Variants in CASTOR2 observed in about 807,000 individuals in gnomAD.
CASTOR2 encodes the protein cytosolic arginine sensor for mTORC1 subunit 2.
Under a neutral mutation model 31.2 loss-of-function variants are expected in CASTOR2, and 8 were observed. The ratio of observed to expected loss-of-function variants is 0.26; its 90% CI spans 0.15 to 0.46. CASTOR2 has a LOEUF of 0.46. CASTOR2 is among the 20% of genes least tolerant of loss of function. CASTOR2 has a pLI of 0.99. For missense variants in CASTOR2, 216 were observed against 382.1 expected (o/e 0.57, Z 3.62); for synonymous variants, 162 against 158.7 (o/e 1.02, Z -0.16).
chr7:75,012,301 G>A (rs1359601882), intron 2 of CASTOR2, among the ~76,000 whole-genome samples: 1 of 151,958 alleles, frequency 6.6e-6, no homozygotes, highest in Non-Finnish European at 1.5e-5. Flanking sequence ...AGAGAGTTTA[G>A]TTTTTGTTTG....
In CASTOR2 at chr7:75,017,622, G is replaced by C. The variant is rs1804895793; in HGVS notation, c.209G>C (p.Ser70Thr). 1.2e-6 allele frequency: 2 copies of C among 1,613,878 alleles called. No homozygotes were observed. The highest frequency in any genetic ancestry group is 1.3e-5 in the African/African-American group (1 of 74,938). The part of the protein sequence containing the change: ...FLELPSSEHL[S>T]VADATWLALN... ...GAGCTGCCCTCCTCGGAGCACCTGA[G>C]TGTGGCAGATGCCACCTGGCTGGCC... Residue 70 changes from serine to threonine, a missense_variant, in exon 3 of 9, where the codon AGT (serine) becomes ACT (threonine). By Grantham distance (58) the Ser-to-Thr change is moderately conservative. Around this residue, in one of 5 missense-constraint regions of CASTOR2, gnomAD observed 114 missense variants for 194.2 expected, o/e 0.59. Transcript: ENST00000616305.
intron 2 of CASTOR2, among the ~76,000 whole-genome samples, chr7:75,009,306 A>G (rs1463051866): frequency 3.2e-5 from 3 of 92,612 alleles, no homozygotes; most frequent in African/African-American, 4.4e-5. Flanking sequence ...GTCTCGCTCT[A>G]TGGCCCAGGC....
At chr7:74,965,850 TCACACA>T (rs1177991219) in intron 1 of CASTOR2, among the ~76,000 whole-genome samples, 6 of 10,616 alleles carry the variant, frequency 5.7e-4, no homozygotes, top group Non-Finnish European at 8.0e-4. Context: ...AAAGAGGGAA[TCACACA>T]CACACACACA....
intron 6 of CASTOR2, among the ~76,000 whole-genome samples, chr7:75,020,722 C>A (rs1342868274): frequency 3.3e-5 from 5 of 152,050 alleles, no homozygotes; most frequent in African/African-American, 1.2e-4. Flanking sequence ...ATCTCCTGAC[C>A]TTGTGATCTG....
At chr7:74,987,995 A>G (rs1584463112) in intron 1 of CASTOR2, among the ~76,000 whole-genome samples, 1 of 147,976 alleles carries the variant, frequency 6.8e-6, no homozygotes, top group African/African-American at 2.5e-5. Context: ...GGTGTGAGTC[A>G]CTGCGCCTGG....
At chr7:75,024,563 G>A in intron 8 of CASTOR2, 29 bp downstream of exon 8, 1 of 1,551,528 alleles carries the variant, frequency 6.4e-7, no homozygotes, top group Non-Finnish European at 8.7e-7. Flanking sequence ...ACCCCTCCAG[G>A]GCAGGGCCGG....
chr7:74,997,158 A>G (rs1804372668), intron 1 of CASTOR2, among the ~76,000 whole-genome samples: 1 of 151,552 alleles, frequency 6.6e-6, no homozygotes, highest in Non-Finnish European at 1.5e-5. Flanking sequence ...GGCTCGAGCA[A>G]TCCTCCTTCC....
chr7:75,031,019 A>G lies in CASTOR2; in HGVS notation c.*6320A>G, dbSNP rs1026456704. 6.6e-6 allele frequency among the ~76,000 whole-genome samples: 1 copy of G among 152,240 alleles called. No individual in the cohort carries two copies. The highest frequency in any genetic ancestry group is 1.9e-4 in the East Asian group (1 of 5,200). On this transcript the variant is annotated 3_prime_UTR_variant, in exon 9 of 9. Transcript: ENST00000616305. ...TCAGGTCCCAAGACAGGCCAAGGCCAGTGCGGTTTCCCTTCCACTGCCTCA... is the reference window on the plus strand; with the variant it reads ...TCAGGTCCCAAGACAGGCCAAGGCCGGTGCGGTTTCCCTTCCACTGCCTCA...
intron 1 of CASTOR2, among the ~76,000 whole-genome samples, chr7:74,999,348 A>T (rs1335518160): frequency 6.6e-6 from 1 of 151,962 alleles, no homozygotes; most frequent in African/African-American, 2.4e-5. Context: ...CCTGTTCAGG[A>T]TCGCCCTTCC....
chr7:75,015,275 C>T (rs1345097365), intron 2 of CASTOR2, among the ~76,000 whole-genome samples: 9 of 152,124 alleles, frequency 5.9e-5, no homozygotes, highest in Non-Finnish European at 1.2e-4. Context: ...CCCTTTTTAT[C>T]GATTTATTTT....
In CASTOR2 at chr7:75,026,189, G is replaced by GTTGT. The variant is rs1554440885; in HGVS notation, c.*1492_*1493insGTTT. Among the ~76,000 whole-genome samples the GTTGT allele has an allele frequency of 8.5e-6, 1 of 117,744 alleles. No homozygotes were observed. The highest frequency in any genetic ancestry group is 1.8e-5 in the Non-Finnish European group (1 of 56,722). 77.2% of individuals were successfully genotyped at this position (117,744 alleles called of 152,430 possible). ...CCCTGTGGTTTTGGCTCTGGCGGGG[G>GTTGT]TTTTTTTTTTTTTTTTTGAGATGGG... On this transcript the variant is annotated 3_prime_UTR_variant, in exon 9 of 9. Coordinates refer to ENST00000616305, the MANE Select transcript of CASTOR2 (RefSeq NM_001145064.3).
At chr7:75,022,040 C>T (rs1173238745) in intron 7 of CASTOR2, 84 bp downstream of exon 7, 2 of 1,490,360 alleles carry the variant, frequency 1.3e-6, no homozygotes, top group Non-Finnish European at 9.2e-7. Flanking sequence ...AGTGACTCGG[C>T]CCCTGCTGGG....
chr7:74,993,480 T>A (rs1311867584), intron 1 of CASTOR2, among the ~76,000 whole-genome samples: 1 of 126,626 alleles, frequency 7.9e-6, no homozygotes, highest in Non-Finnish European at 1.6e-5. Context: ...AGAGCGAGTC[T>A]CACTGTGTCA....
intron 1 of CASTOR2, among the ~76,000 whole-genome samples, chr7:75,000,277 A>C (rs1804462722): frequency 6.6e-6 from 1 of 152,182 alleles, no homozygotes; most frequent in South Asian, 2.1e-4. Context: ...TCAGTAAAAC[A>C]TCAGCAGGGA....
intron 1 of CASTOR2, among the ~76,000 whole-genome samples, chr7:74,994,709 C>A (rs1174060888): frequency 1.3e-5 from 2 of 151,352 alleles, no homozygotes; most frequent in Non-Finnish European, 2.9e-5. Flanking sequence ...GAGATTGTGT[C>A]GCTGCACTCC....
rs1805149914 is a variant in CASTOR2 at position 75,026,894 on chromosome 7, G to C, written c.*2195G>C. On this transcript the variant is annotated 3_prime_UTR_variant, in exon 9 of 9. Coordinates refer to ENST00000616305, the MANE Select transcript of CASTOR2 (RefSeq NM_001145064.3). ...GTGTCGGCCCCGTGACCCCAGAGTC[G>C]TGTGTCCCCTAGACTTCCTAGGACG... Among the ~76,000 whole-genome samples the C allele has an allele frequency of 6.6e-6, 1 of 152,048 alleles. No individual in the cohort carries two copies. Among genetic ancestry groups the C allele is most frequent in the East Asian group, 1.9e-4 (1 of 5,186 alleles).
In CASTOR2 at chr7:75,027,675, T is replaced by C; in HGVS notation, c.*2976T>C. The stretch of plus-strand genomic sequence containing the variant: ...TGGCTGGCTCTGCAGGGGTGGTCCC[T>C]GTTCAAGCCCGCTCCGTGGGAGCTG... On this transcript the variant is annotated 3_prime_UTR_variant, in exon 9 of 9. Transcript: ENST00000616305. 1 of 324,654 alleles carries C rather than the reference T, an allele frequency of 3.1e-6. No individual in the cohort carries two copies. The highest frequency in any genetic ancestry group is 5.8e-6 in the Non-Finnish European group (1 of 171,044). 20.1% of individuals were successfully genotyped at this position (324,654 alleles called of 1,614,324 possible).
rs1185913693 is a variant in CASTOR2 at position 75,024,598 on chromosome 7, C to A, written c.925-36C>A. 1.9e-6 allele frequency: 3 copies of A among 1,551,498 alleles called. No homozygotes were observed. The African/African-American group carries it at 4.1e-5, about 21-fold the overall frequency. On this transcript the variant is annotated intron_variant, in intron 8 of 8. Coordinates refer to ENST00000616305, the MANE Select transcript of CASTOR2 (RefSeq NM_001145064.3). ...GGGTGGGGAAGCAGGTTCCTGGGCT[C>A]ACGGGCAGGCATCTGCCTCCTCTAC...
chr7:74,977,297 C>T (rs1213086051), intron 1 of CASTOR2, among the ~76,000 whole-genome samples: 1 of 151,578 alleles, frequency 6.6e-6, no homozygotes, highest in Non-Finnish European at 1.5e-5. Flanking sequence ...AAAAACCAGC[C>T]CAGTTGCATC....
Sources: gnomAD v4.1 joint callset for allele counts (sites outside exome capture counted in the v4.1 genomes callset) on GRCh38, gnomAD v4.1.1 for gene constraint, gnomAD v4.1.1 regional missense constraint, MANE v1.5 for transcripts, NCBI Gene and HGNC (gene_info 2026-07-23, HGNC 2026-07-21) for gene names.